The following AGBL1 variants were observed in gnomAD, a reference collection of about 807,000 sequenced individuals.
AGBL1 encodes AGBL carboxypeptidase 1, also known as cytosolic carboxypeptidase 4.
AGBL1 carries 130 observed loss-of-function variants against 118.9 expected under a neutral mutation model. The observed-to-expected ratio is 1.09, with a 90% CI of 0.95 to 1.26. The LOEUF (loss-of-function observed/expected upper bound fraction) is 1.26. Ranked by LOEUF, AGBL1 falls within the 50% of genes most tolerant of loss-of-function variation. The pLI, the probability that AGBL1 is intolerant of heterozygous loss-of-function variation, is 0.00. For synonymous variants in AGBL1, 555 were observed against 478.9 expected (o/e 1.16, Z -2.08); for missense variants, 1,584 against 1,298.1 (o/e 1.22, Z -3.38).
At chr15:86,968,037 G>A (rs935345484) in intron 23 of AGBL1, among the ~76,000 whole-genome samples, 7 of 151,472 alleles carry the variant, frequency 4.6e-5, no homozygotes, top group East Asian at 1.9e-4. Flanking sequence ...GAAGAGGTCC[G>A]GGATTGAATC....
intron 23 of AGBL1, among the ~76,000 whole-genome samples, chr15:86,956,360 G>A (rs1207695872): frequency 1.3e-5 from 2 of 152,030 alleles, no homozygotes; most frequent in Admixed American, 1.3e-4. Flanking sequence ...TGAAAAGAGA[G>A]TGAGAGAGGC....
chr15:86,547,297 C>T (rs903948085), intron 20 of AGBL1, among the ~76,000 whole-genome samples: 24 of 152,128 alleles, frequency 1.6e-4, no homozygotes, highest in African/African-American at 4.8e-4. Flanking sequence ...ATATGTGATA[C>T]ATCTTGAATC....
chr15:86,485,859 G>A (rs1398187542), intron 18 of AGBL1, among the ~76,000 whole-genome samples: 1 of 152,068 alleles, frequency 6.6e-6, no homozygotes, highest in Non-Finnish European at 1.5e-5. Flanking sequence ...CTGGTCCAAA[G>A]GTTTAAACTT....
chr15:86,750,382 T>C (rs145461403), intron 22 of AGBL1, among the ~76,000 whole-genome samples: 1 of 152,156 alleles, frequency 6.6e-6, no homozygotes, highest in Non-Finnish European at 1.5e-5. Context: ...ACATTTTATT[T>C]TTCAGCGAAA....
At chr15:86,391,502 C>G (rs927683488) in intron 17 of AGBL1, among the ~76,000 whole-genome samples, 2 of 151,948 alleles carry the variant, frequency 1.3e-5, no homozygotes, top group Non-Finnish European at 2.9e-5. Context: ...GATTGCTGGA[C>G]TTCATGTTAG....
chr15:86,877,033 C>T (rs2079819933), intron 22 of AGBL1, among the ~76,000 whole-genome samples: 1 of 152,158 alleles, frequency 6.6e-6, no homozygotes, highest in Non-Finnish European at 1.5e-5. Flanking sequence ...GAGATCAATT[C>T]TGCCCACTCA....
At chr15:86,339,276 T>A (rs2080423124) in intron 17 of AGBL1, among the ~76,000 whole-genome samples, 1 of 152,214 alleles carries the variant, frequency 6.6e-6, no homozygotes, top group South Asian at 2.1e-4. Context: ...CTTCAAGAAC[T>A]TTTTTCTTTA....
At chr15:86,382,898 G>C (rs919593) in intron 17 of AGBL1, among the ~76,000 whole-genome samples, 49,989 of 151,822 alleles carry the variant, frequency 0.33, 8,989 homozygotes, top group East Asian at 0.74. Context: ...CTCCAGAACT[G>C]CACAAACGAC....
chr15:86,288,248 C>T (rs1473317326), intron 16 of AGBL1, among the ~76,000 whole-genome samples: 2 of 152,084 alleles, frequency 1.3e-5, no homozygotes, highest in Admixed American at 1.3e-4. Context: ...ATCACAGAGA[C>T]TATAATCTGA....
At chr15:86,962,551 G>A (rs1034671762) in intron 23 of AGBL1, among the ~76,000 whole-genome samples, 5 of 151,840 alleles carry the variant, frequency 3.3e-5, no homozygotes, top group African/African-American at 1.2e-4. Flanking sequence ...AACACTTCTT[G>A]GAAATTTTGC....
At chr15:86,896,076 A>G (rs1453560612) in intron 22 of AGBL1, among the ~76,000 whole-genome samples, 1 of 152,110 alleles carries the variant, frequency 6.6e-6, no homozygotes, top group Non-Finnish European at 1.5e-5. Context: ...GCTTTTTGTT[A>G]AAATGTTTTT....
intron 18 of AGBL1, among the ~76,000 whole-genome samples, chr15:86,412,446 T>A (rs2081634938): frequency 6.6e-6 from 1 of 152,228 alleles, no homozygotes; most frequent in African/African-American, 2.4e-5. Context: ...CTTCTCTTTC[T>A]TTTTGAACCT....
chr15:86,481,889 T>C (rs954488919), intron 18 of AGBL1, among the ~76,000 whole-genome samples: 1 of 152,078 alleles, frequency 6.6e-6, no homozygotes. Flanking sequence ...GGGGTTGTGT[T>C]TTACTCAAAT....
At chr15:86,413,063 C>G (rs1301567000) in intron 18 of AGBL1, among the ~76,000 whole-genome samples, 1 of 151,948 alleles carries the variant, frequency 6.6e-6, no homozygotes, top group Non-Finnish European at 1.5e-5. Context: ...GATTCTAGAT[C>G]CTGCCCACTA....
At chr15:86,756,213 T>A (rs990472274) in intron 22 of AGBL1, among the ~76,000 whole-genome samples, 4 of 151,630 alleles carry the variant, frequency 2.6e-5, no homozygotes, top group Non-Finnish European at 5.9e-5. Flanking sequence ...AAAAGATAAG[T>A]CCCCATGAAA....
Position 86,456,687 on chromosome 15 carries a change from G to A in AGBL1, c.2555+59141G>A, listed in dbSNP as rs139327085. Among the ~76,000 whole-genome samples, 246 of 152,300 alleles carry A rather than the reference G, an allele frequency of 1.6e-3. 1 individual carries two copies. Among genetic ancestry groups the A allele is most frequent in the African/African-American group, 5.6e-3 (231 of 41,564 alleles). ...TGCACATTGATTAGGATATTTCAGC[G>A]AGGAAACTGTGATTAAACATGCCTC... On this transcript the variant is annotated intron_variant, in intron 18 of 22. Transcript: ENST00000614907.
intron 22 of AGBL1, among the ~76,000 whole-genome samples, chr15:86,753,891 T>G (rs1044036123): frequency 3.7e-4 from 56 of 152,120 alleles, no homozygotes; most frequent in African/African-American, 1.3e-3. Context: ...CAGGTTCCAC[T>G]TGCTCTCTAG....
intron 21 of AGBL1, among the ~76,000 whole-genome samples, chr15:86,659,435 C>A (rs1314307377): frequency 6.6e-6 from 1 of 152,146 alleles, no homozygotes; most frequent in African/African-American, 2.4e-5. Flanking sequence ...ACAATCTAGA[C>A]CTGCAGGTAG....
intron 18 of AGBL1, among the ~76,000 whole-genome samples, chr15:86,473,775 G>C (rs978658283): frequency 6.6e-6 from 1 of 152,094 alleles, no homozygotes; most frequent in African/African-American, 2.4e-5. Flanking sequence ...TTCTAGTGTT[G>C]CACTGTTGCC....
Sources: gnomAD v4.1 joint callset for allele counts (sites outside exome capture counted in the v4.1 genomes callset) on GRCh38, gnomAD v4.1.1 for gene constraint, MANE v1.5 for transcripts, NCBI Gene and HGNC (gene_info 2026-07-23, HGNC 2026-07-21) for gene names.